Variants in ECI2 observed in about 807,000 individuals in gnomAD.
The protein encoded by ECI2 is D3,D2-enoyl-CoA isomerase.
ECI2 carries 27 observed loss-of-function variants against 38.4 expected under a neutral mutation model. The ratio of observed to expected loss-of-function variants is 0.70; its 90% CI spans 0.52 to 0.97. ECI2 has a LOEUF of 0.97. Among genes scored for constraint, ECI2 ranks in the 50% least tolerant of loss-of-function variants. The pLI is 0.00. For synonymous variants in ECI2, 168 were observed against 172.0 expected, an observed-to-expected ratio of 0.98 and a Z score of 0.18; for missense variants, 470 against 474.4, an observed-to-expected ratio of 0.99 and a Z score of 0.09.
chr6:4,119,733 A>G (rs1772554067), intron 7 of ECI2, among the ~76,000 whole-genome samples: 1 of 152,194 alleles, frequency 6.6e-6, no homozygotes, highest in Non-Finnish European at 1.5e-5. Context: ...CACCCTTTAA[A>G]AGTGTATAGT....
At chr6:4,119,303 C>T (rs1274837701) in intron 7 of ECI2, 28 bp from the exon 8 acceptor site, 1 of 1,514,846 alleles carries the variant, frequency 6.6e-7, no homozygotes, top group African/African-American at 1.4e-5. Flanking sequence ...AAAAGAAAAC[C>T]ATCTTTTCAT....
At position 4,121,895 on chromosome 6, in the gene ECI2, A is replaced by G. The variant is rs924752119; in HGVS notation, c.796-2620T>C. 4.9e-6 allele frequency: 5 copies of G among 1,010,256 alleles called. No individual in the cohort carries two copies. The African/African-American group carries it at 8.2e-5, about 17-fold the overall frequency. 62.6% of individuals were successfully genotyped at this position (1,010,256 alleles called of 1,614,324 possible). A position where few individuals can be genotyped will look rare whatever the true frequency, so the allele number is the denominator to read the frequency against. ...GCAGCATATACATAAAAATAATCAC[A>G]ATATTTTTAAAAGTTTCTGTTAATG... On this transcript the variant is annotated intron_variant, in intron 7 of 9. Transcript: ENST00000380118.
At chr6:4,133,770 T>C in intron 1 of ECI2, 59 bp from the exon 2 acceptor site, 1 of 1,529,228 alleles carries the variant, frequency 6.5e-7, no homozygotes, top group African/African-American at 1.4e-5. Context: ...TGCAGCCTGA[T>C]TTCTAATTGT....
chr6:4,132,832 T>G (rs1480981927), intron 2 of ECI2, among the ~76,000 whole-genome samples: 3 of 152,190 alleles, frequency 2.0e-5, no homozygotes, highest in African/African-American at 7.2e-5. Context: ...TGGCGCAATC[T>G]TGGCTCATTG....
chr6:4,134,801 A>G (rs1773649369), intron 1 of ECI2, among the ~76,000 whole-genome samples: 1 of 152,270 alleles, frequency 6.6e-6, no homozygotes. Context: ...GCCGAAATGT[A>G]CAAGTTTCCA....
intron 2 of ECI2, 21 bp downstream of exon 2, chr6:4,133,528 C>T (rs999194776): frequency 1.3e-6 from 2 of 1,580,008 alleles, no homozygotes; most frequent in Non-Finnish European, 1.7e-6. Context: ...CTTTAAATAA[C>T]GTTCGACCGT....
intron 6 of ECI2, 90 bp downstream of exon 6, chr6:4,126,045 A>T (rs1326407715): frequency 1.0e-6 from 1 of 990,592 alleles, no homozygotes; most frequent in African/African-American, 1.6e-5. Flanking sequence ...TGACACAGAG[A>T]AGCAGATATT....
intron 6 of ECI2, 125 bp from the exon 7 acceptor site, chr6:4,125,495 C>T: frequency 7.3e-7 from 1 of 1,372,246 alleles, no homozygotes; most frequent in Non-Finnish European, 9.9e-7. Flanking sequence ...CCACCACCAG[C>T]AGTGCCTCCT....
intron 1 of ECI2, among the ~76,000 whole-genome samples, chr6:4,134,526 A>C (rs1773637361): frequency 2.0e-5 from 3 of 152,180 alleles, no homozygotes. Flanking sequence ...CGACGATGAC[A>C]CTGAATAATA....
intron 7 of ECI2, among the ~76,000 whole-genome samples, chr6:4,123,004 C>A (rs1348416203): frequency 6.6e-6 from 1 of 151,994 alleles, no homozygotes; most frequent in Non-Finnish European, 1.5e-5. Context: ...TTAACCATTG[C>A]CCACAGTATA....
At chr6:4,133,873 G>A in intron 1 of ECI2, 162 bp from the exon 2 acceptor site, 1 of 765,336 alleles carries the variant, frequency 1.3e-6, no homozygotes, top group Non-Finnish European at 1.9e-6. Context: ...TTGGCTGTAA[G>A]GATTCCAAGA....
chr6:4,133,894 A>G (rs1773608645), intron 1 of ECI2, 183 bp from the exon 2 acceptor site: 2 of 600,180 alleles, frequency 3.3e-6, no homozygotes, highest in South Asian at 3.7e-5. Context: ...TAATAAGTCA[A>G]TACAGAAGCT....
chr6:4,126,423 G>C (rs1182808962), intron 5 of ECI2, among the ~76,000 whole-genome samples, 186 bp from the exon 6 acceptor site: 1 of 152,198 alleles, frequency 6.6e-6, no homozygotes, highest in Non-Finnish European at 1.5e-5. Flanking sequence ...GATAAATGTA[G>C]CTAATGCTAC....
chr6:4,126,219 C>T lies in ECI2; in HGVS notation c.590G>A (p.Ser197Asn), dbSNP rs748109917. The T allele has an allele frequency of 2.5e-6, 4 of 1,612,234 alleles. No individual in the cohort carries two copies. The highest frequency in any genetic ancestry group is 3.4e-6 in the Non-Finnish European group (4 of 1,179,528). The change falls in exon 6 of 10, where the codon AGT (serine) becomes AAT (asparagine). Residue 197 changes from serine to asparagine, a missense_variant. By Grantham distance (46) the Ser-to-Asn change is conservative. Transcript: ENST00000380118. ...TVLTGNGDYY[S>N]SGNDLTNFTD... ...GAAGTTAGTCAGATCATTCCCACTA[C>T]TGTAATAGTCACCATTTCCTATAAG...
chr6:4,117,622 G>T, intron 8 of ECI2, 171 bp from the exon 9 acceptor site: 1 of 810,750 alleles, frequency 1.2e-6, no homozygotes, highest in Non-Finnish European at 1.8e-6. Context: ...TGCAAACTGT[G>T]TGCTGAGACA....
At position 4,125,236 on chromosome 6, in the gene ECI2, A is replaced by G; in HGVS notation, c.795+14T>C. 1 of 1,613,360 alleles carries G rather than the reference A, an allele frequency of 6.2e-7. No individual in the cohort carries two copies. Among genetic ancestry groups the G allele is most frequent in the Non-Finnish European group, 8.5e-7 (1 of 1,179,658 alleles). ...CTGCTTGCCTGACCTCTTGCTTTCT[A>G]GGAGCTGACTTACCCTGTCAGATGC... On this transcript the variant is annotated intron_variant, in intron 7 of 9. Transcript: ENST00000380118.
At chr6:4,131,937 T>C (rs1350591050) in intron 2 of ECI2, among the ~76,000 whole-genome samples, 2 of 151,896 alleles carry the variant, frequency 1.3e-5, no homozygotes, top group African/African-American at 4.8e-5. Context: ...TAGACAGAGA[T>C]AGTGTCATCT....
intron 7 of ECI2, among the ~76,000 whole-genome samples, chr6:4,122,874 T>C (rs555271372): frequency 6.6e-6 from 1 of 152,344 alleles, no homozygotes; most frequent in South Asian, 2.1e-4. Context: ...ATATACATAA[T>C]GCATGTGAAT....
chr6:4,133,407 TATAC>T, intron 2 of ECI2, 138 bp downstream of exon 2: 8 of 909,696 alleles, frequency 8.8e-6, no homozygotes, highest in South Asian at 1.9e-5. Flanking sequence ...CATATATATA[TATAC>T]ACACACACAC....
Sources: gnomAD v4.1 joint callset for allele counts (sites outside exome capture counted in the v4.1 genomes callset) on GRCh38, gnomAD v4.1.1 for gene constraint, MANE v1.5 for transcripts, NCBI Gene and HGNC (gene_info 2026-07-23, HGNC 2026-07-21) for gene names.